The following DACT1 variants were observed in gnomAD, a reference collection of about 807,000 sequenced individuals.
DACT1 encodes dishevelled binding antagonist of beta catenin 1, also known as dapper homolog 1.
Under a neutral mutation model 35.3 loss-of-function variants are expected in DACT1, and 19 were observed. The observed-to-expected ratio is 0.54, with a 90% CI of 0.38 to 0.79. The LOEUF is 0.79. DACT1 is among the 30% of genes least tolerant of loss of function. The pLI is 0.00. For synonymous variants in DACT1, 545 were observed against 466.7 expected, an observed-to-expected ratio of 1.17 and a Z score of -2.16; for missense variants, 1,143 against 1,057.5, an observed-to-expected ratio of 1.08 and a Z score of -1.12.
intron 1 of DACT1, chr14:58,639,382 C>CATTATTCTGAGGCGGGG: frequency 3.5e-6 from 2 of 567,236 alleles, no homozygotes; most frequent in Non-Finnish European, 4.5e-6. Flanking sequence ...TTGACCCCGC[C>CATTATTCTGAGGCGGGG]TCAGAATAAT....
rs756743399 is a variant in DACT1, at chr14:58,640,905, T to C, written c.478+37T>C. ...AGCACAAGGACAGAATTCTGCACTC[T>C]TGAGTTGTATCTCAGCCCCTTGTGG... is the stretch of plus-strand genomic sequence containing the variant. On this transcript the variant is annotated intron_variant, in intron 2 of 3. Transcript: ENST00000395153. The C allele has an allele frequency of 2.5e-6, 4 of 1,611,858 alleles. No homozygotes were observed. In the African/African-American group the frequency reaches 4.0e-5, roughly 16 times the overall value.
In DACT1 at chr14:58,638,122, C is replaced by G; in HGVS notation, c.-81C>G. On this transcript the variant is annotated 5_prime_UTR_variant, in exon 1 of 4. Coordinates refer to ENST00000395153, the MANE Select transcript of DACT1 (RefSeq NM_001079520.2). ...CGCCACAGGGCGGCATGAGCCCACC[C>G]GCGGCCGCAGCCCTAGCGCCCTGCT... 1 of 1,217,918 alleles carries G rather than the reference C, an allele frequency of 8.2e-7. No individual in the cohort carries two copies. The highest frequency in any genetic ancestry group is 1.0e-6 in the Non-Finnish European group (1 of 977,576). The allele number at this position is 1,217,918 out of a possible 1,614,324, so 75.4% of individuals were successfully genotyped here. A position where few individuals can be genotyped will look rare whatever the true frequency, so the allele number is the denominator to read the frequency against.
Position 58,646,782 on chromosome 14 carries a change from T to G in DACT1, c.2048T>G (p.Val683Gly). Reference protein sequence around the residue: ...PLPYASPYAYVASDSEYSAEC... With the variant: ...PLPYASPYAYGASDSEYSAEC... ...CCCTACGCCAGCCCCTACGCCTACG[T>G]GGCTAGCGACTCCGAGTACTCGGCC... is the stretch of plus-strand genomic sequence containing the variant. The change falls in exon 4 of 4, where the codon GTG (valine) becomes GGG (glycine). Residue 683 changes from valine (V) to glycine (G), a missense_variant. Physicochemically the swap from Val to Gly is moderately radical, Grantham distance 109 (BLOSUM62 -3). Transcript: ENST00000395153. 1 of 1,614,132 alleles carries G rather than the reference T, an allele frequency of 6.2e-7. No homozygotes were observed. The highest frequency in any genetic ancestry group is 8.5e-7 in the Non-Finnish European group (1 of 1,180,024).
chr14:58,640,486 T>C (rs2047616259), intron 1 of DACT1, among the ~76,000 whole-genome samples: 1 of 152,232 alleles, frequency 6.6e-6, no homozygotes. Context: ...TATATATTAG[T>C]TGAAACTAAA....
At chr14:58,643,983 T>G (rs1371561425) in intron 3 of DACT1, among the ~76,000 whole-genome samples, 1 of 152,212 alleles carries the variant, frequency 6.6e-6, no homozygotes, top group Non-Finnish European at 1.5e-5. Flanking sequence ...AGACCGCTAA[T>G]TATCATTGAA....
chr14:58,638,457 C>T lies in DACT1; in HGVS notation c.255C>T (p.Arg85=). 7.4e-7 allele frequency: 1 copy of T among 1,355,054 alleles called. No homozygotes were observed. Among genetic ancestry groups the T allele is most frequent in the Non-Finnish European group, 9.5e-7 (1 of 1,049,254 alleles). The allele number at this position is 1,355,054 out of a possible 1,614,324, so 83.9% of individuals were successfully genotyped here. A position where few individuals can be genotyped will look rare whatever the true frequency, so the allele number is the denominator to read the frequency against. Reference sequence around the variant, plus strand: ...GGGGTGCGGGAGCCGCTGCGCCCCGCGCTGGGGAGCTACTGGGGGAGGCGG... The same window carrying T: ...GGGGTGCGGGAGCCGCTGCGCCCCGTGCTGGGGAGCTACTGGGGGAGGCGG... ...GAGGAGAAAP[R]AGELLGEAAQ... The change falls in exon 1 of 4, where the codon CGC becomes CGT. Residue 85 remains arginine, a synonymous_variant. Transcript: ENST00000395153.
At position 58,647,353 on chromosome 14, in the gene DACT1, G is replaced by GTTT. The variant is rs1185558158; in HGVS notation, c.*221_*223dup. The GTTT allele has an allele frequency of 2.1e-5, 12 of 575,622 alleles. No homozygotes were observed. The highest frequency in any genetic ancestry group is 3.0e-6 in the Non-Finnish European group (1 of 333,192). 35.7% of individuals were successfully genotyped at this position (575,622 alleles called of 1,614,324 possible). A position where few individuals can be genotyped will look rare whatever the true frequency, so the allele number is the denominator to read the frequency against. Reference sequence around the variant, plus strand: ...TTGCTAGTTAGAAGTACATATTGAGGTTTTAATGGTGGTGATAGTGAGTTT... The same window carrying GTTT: ...TTGCTAGTTAGAAGTACATATTGAGGTTTTTTTAATGGTGGTGATAGTGAGTTT... On this transcript the variant is annotated 3_prime_UTR_variant, in exon 4 of 4. Transcript: ENST00000395153.
chr14:58,645,849 A>G lies in DACT1; in HGVS notation c.1115A>G (p.Asn372Ser). ...CLPSGGIPSL[N>S]NGTFSPPKQW... is the part of the protein sequence containing the mutation. The stretch of plus-strand genomic sequence containing the variant: ...CCCTCTGGCGGGATACCTTCTCTGA[A>G]CAATGGGACATTCTCCCCACCGAAG... The change falls in exon 4 of 4, where the codon AAC (asparagine) becomes AGC (serine). Residue 372 changes from asparagine to serine, a missense_variant. By Grantham distance (46) the Asn-to-Ser change is conservative. Coordinates refer to ENST00000395153, the MANE Select transcript of DACT1 (RefSeq NM_001079520.2). The G allele has an allele frequency of 6.2e-7, 1 of 1,614,244 alleles. No homozygotes were observed. The highest frequency in any genetic ancestry group is 1.7e-5 in the Admixed American group (1 of 60,032).
Position 58,647,213 on chromosome 14 carries a change from A to AT in DACT1, c.*84dup, listed in dbSNP as rs1360101591. On this transcript the variant is annotated 3_prime_UTR_variant, in exon 4 of 4. Coordinates refer to ENST00000395153, the MANE Select transcript of DACT1 (RefSeq NM_001079520.2). ...CCAAAATTAAAAAGGTGGTGTTTTCATTTTTGTATAATACTTTAATGGAAT... is the reference window on the plus strand; with the variant it reads ...CCAAAATTAAAAAGGTGGTGTTTTCATTTTTTGTATAATACTTTAATGGAAT... 2.7e-6 allele frequency: 4 copies of AT among 1,490,052 alleles called. No individual in the cohort carries two copies. The highest frequency in any genetic ancestry group is 4.5e-5 in the East Asian group (2 of 44,216). The allele number at this position is 1,490,052 out of a possible 1,614,324, so 92.3% of individuals were successfully genotyped here.
chr14:58,637,493 C>T (rs1163107794), upstream of DACT1, among the ~76,000 whole-genome samples: 1 of 152,258 alleles, frequency 6.6e-6, no homozygotes, highest in African/African-American at 2.4e-5. Context: ...TGAAAGAAAC[C>T]TAACTCGGTG....
In DACT1 at chr14:58,646,357, C is replaced by A; in HGVS notation, c.1623C>A (p.Val541=). ...RLHRGHRNMG[V]VKNSSLKHRG... ...ACCGGGGCCACAGGAACATGGGCGT[C>A]GTGAAGAACTCCAGCCTGAAGCACC... Residue 541 remains valine, a synonymous_variant, in exon 4 of 4, where the codon GTC becomes GTA. Transcript: ENST00000395153. 6.2e-7 allele frequency: 1 copy of A among 1,606,422 alleles called. No homozygotes were observed. The highest frequency in any genetic ancestry group is 8.5e-7 in the Non-Finnish European group (1 of 1,178,154).
At position 58,646,505 on chromosome 14, in the gene DACT1, T is replaced by G. The variant is rs17094821; in HGVS notation, c.1771T>G (p.Ser591Ala). 6,941 of 1,558,266 alleles carry G rather than the reference T, an allele frequency of 4.5e-3. 273 individuals carry two copies. In the African/African-American group the frequency reaches 0.083, roughly 19 times the overall value. ...TACAAATAAGAAACTCAAGAAAGCC[T>G]CCTCCAAGGGGAGGAAGAGTGGGGG... ...LDTNKKLKKA[S>A]SKGRKSGGGP... is the part of the protein sequence containing the mutation. The change falls in exon 4 of 4, where the codon TCC (serine) becomes GCC (alanine). Residue 591 changes from serine (S) to alanine (A), a missense_variant. By Grantham distance (99) the Ser-to-Ala change is moderately conservative (BLOSUM62 1). This residue lies in a region of DACT1 where 1,054 missense variants were observed against 958.8 expected (regional missense o/e 1.10). Transcript: ENST00000395153.
upstream of DACT1, among the ~76,000 whole-genome samples, chr14:58,637,058 A>G (rs1023895824): frequency 6.6e-6 from 1 of 152,238 alleles, no homozygotes; most frequent in Non-Finnish European, 1.5e-5. Flanking sequence ...AGGTTCCCAT[A>G]GCAGCTGCTC....
At position 58,640,787 on chromosome 14, in the gene DACT1, G is replaced by A; in HGVS notation, c.397G>A (p.Asp133Asn). The A allele has an allele frequency of 6.2e-7, 1 of 1,614,138 alleles. No individual in the cohort carries two copies. Among genetic ancestry groups the A allele is most frequent in the African/African-American group, 1.3e-5 (1 of 75,028 alleles). ...TTTGTTGAATCAGTTGCAAGAGCTT[G>A]ACAAGCAGATAAGTGACCTGAGACT... ...AGLLNQLQEL[D>N]KQISDLRLDV... Residue 133 changes from aspartate (D) to asparagine (N), a missense_variant, in exon 2 of 4, where the codon GAC becomes AAC. Asp to Asn is a conservative substitution (Grantham distance 23). This residue lies in a region of DACT1 where 1,054 missense variants were observed against 958.8 expected (regional missense o/e 1.10). Coordinates refer to ENST00000395153, the MANE Select transcript of DACT1 (RefSeq NM_001079520.2).
chr14:58,641,315 T>C (rs942021433), intron 2 of DACT1, among the ~76,000 whole-genome samples: 1 of 152,146 alleles, frequency 6.6e-6, no homozygotes, highest in Non-Finnish European at 1.5e-5. Flanking sequence ...TAAGTTTCTT[T>C]CCTTGGACAT....
intron 1 of DACT1, 95 bp from the exon 2 acceptor site, chr14:58,640,641 A>G (rs1360764185): frequency 2.8e-6 from 4 of 1,452,580 alleles, no homozygotes; most frequent in Non-Finnish European, 2.8e-6. Context: ...AGTTTAGTGA[A>G]CTCTTCAGAT....
intron 1 of DACT1, chr14:58,638,972 G>C: frequency 1.0e-6 from 1 of 987,040 alleles, no homozygotes; most frequent in Non-Finnish European, 1.2e-6. Flanking sequence ...GCCGAGAGGG[G>C]CCAAAAGCCA....
intron 3 of DACT1, among the ~76,000 whole-genome samples, chr14:58,643,435 A>G (rs571405853): frequency 6.6e-6 from 1 of 152,338 alleles, no homozygotes; most frequent in Admixed American, 6.5e-5. Flanking sequence ...AGGCAAGGCA[A>G]ACAACACTGA....
upstream of DACT1, among the ~76,000 whole-genome samples, chr14:58,635,655 A>G (rs1214948586): frequency 4.1e-5 from 6 of 144,830 alleles, no homozygotes; most frequent in Non-Finnish European, 7.6e-5. Flanking sequence ...GCTTTGGACT[A>G]ATGAGCCAGC....
Sources: gnomAD v4.1 joint callset for allele counts (sites outside exome capture counted in the v4.1 genomes callset) on GRCh38, gnomAD v4.1.1 for gene constraint, gnomAD v4.1.1 regional missense constraint, MANE v1.5 for transcripts, NCBI Gene and HGNC (gene_info 2026-07-23, HGNC 2026-07-21) for gene names.